The following VPS13B variants were observed in gnomAD, a reference collection of about 807,000 sequenced individuals.
VPS13B encodes vacuolar protein sorting 13 homolog B, also known as intermembrane lipid transfer protein VPS13B.
In VPS13B, 285 loss-of-function variants were observed where a neutral mutation model predicts 426.4. The ratio of observed to expected loss-of-function variants is 0.67; its 90% CI spans 0.61 to 0.74. VPS13B has a LOEUF of 0.74. Ranked by LOEUF, VPS13B falls within the 30% of genes least tolerant of loss-of-function variation. VPS13B has a pLI of 0.00. For synonymous variants in VPS13B, 1,676 were observed against 1,676.4 expected (o/e 1.00, Z 0.01); for missense variants, 4,537 against 4,782.6 (o/e 0.95, Z 1.51).
chr8:99,657,167 A>G (rs1830050011), intron 34 of VPS13B, among the ~76,000 whole-genome samples: 1 of 152,082 alleles, frequency 6.6e-6, no homozygotes. Context: ...TGCCCAGAGT[A>G]GACTCCTAAG....
At chr8:99,737,315 T>G (rs1158174116) in intron 39 of VPS13B, among the ~76,000 whole-genome samples, 1 of 151,314 alleles carries the variant, frequency 6.6e-6, no homozygotes, top group African/African-American at 2.4e-5. Context: ...AGAGACGGGG[T>G]TTCACCGTGT....
intron 54 of VPS13B, among the ~76,000 whole-genome samples, chr8:99,839,298 T>TCG (rs2130876584): frequency 6.6e-6 from 1 of 152,312 alleles, no homozygotes; most frequent in South Asian, 2.1e-4. Context: ...GTCCTTCATG[T>TCG]TTCTACAGCT....
At chr8:99,043,930 A>G (rs1030438573) in intron 3 of VPS13B, among the ~76,000 whole-genome samples, 4 of 151,624 alleles carry the variant, frequency 2.6e-5, no homozygotes, top group African/African-American at 9.7e-5. Flanking sequence ...CTTCACTTCA[A>G]TCTCTCATTT....
intron 3 of VPS13B, among the ~76,000 whole-genome samples, chr8:99,053,863 C>T (rs758042237): frequency 5.9e-5 from 9 of 151,928 alleles, no homozygotes; most frequent in South Asian, 4.1e-4. Context: ...CCACCACCCC[C>T]GGCTAATTTT....
At chr8:99,133,038 A>C (rs1384387104) in intron 8 of VPS13B, among the ~76,000 whole-genome samples, 1 of 152,212 alleles carries the variant, frequency 6.6e-6, no homozygotes, top group Non-Finnish European at 1.5e-5. Context: ...ATCCGCCTGT[A>C]TTTTGAAGCT....
intron 30 of VPS13B, among the ~76,000 whole-genome samples, chr8:99,550,849 C>G (rs1186997313): frequency 1.3e-5 from 2 of 151,910 alleles, no homozygotes; most frequent in African/African-American, 2.4e-5. Flanking sequence ...TTTGTGAATT[C>G]TCTTCTTTAA....
intron 21 of VPS13B, among the ~76,000 whole-genome samples, chr8:99,431,092 A>C (rs986731761): frequency 1.3e-5 from 2 of 152,168 alleles, no homozygotes; most frequent in Non-Finnish European, 2.9e-5. Context: ...TGGGAAGGAT[A>C]ATTTTCTATC....
intron 35 of VPS13B, among the ~76,000 whole-genome samples, chr8:99,669,007 C>A (rs1050468277): frequency 7.2e-5 from 11 of 152,108 alleles, no homozygotes; most frequent in African/African-American, 2.7e-4. Flanking sequence ...AGAAGGTGAA[C>A]TAATCCAGGC....
At chr8:99,020,813 T>A (rs1450799874) in intron 2 of VPS13B, among the ~76,000 whole-genome samples, 2 of 152,250 alleles carry the variant, frequency 1.3e-5, no homozygotes, top group Non-Finnish European at 2.9e-5. Context: ...TCTGCCTTTA[T>A]GATACTATCA....
chr8:99,525,687 C>A (rs1822605070), intron 30 of VPS13B, among the ~76,000 whole-genome samples: 1 of 152,168 alleles, frequency 6.6e-6, no homozygotes, highest in South Asian at 2.1e-4. Context: ...AATCCCTGCT[C>A]TCACAGAACT....
intron 39 of VPS13B, among the ~76,000 whole-genome samples, chr8:99,724,205 C>A (rs937086660): frequency 6.6e-6 from 1 of 152,166 alleles, no homozygotes; most frequent in African/African-American, 2.4e-5. Context: ...CAGTGCCAGG[C>A]CCTGGGCTTG....
At chr8:99,300,742 C>T (rs989914086) in intron 19 of VPS13B, among the ~76,000 whole-genome samples, 1 of 152,106 alleles carries the variant, frequency 6.6e-6, no homozygotes, top group African/African-American at 2.4e-5. Context: ...GGGTTTTAGC[C>T]TCAGCTATAT....
intron 45 of VPS13B, 67 bp downstream of exon 45, chr8:99,817,870 A>T (rs1814136319): frequency 6.2e-7 from 1 of 1,609,616 alleles, no homozygotes; most frequent in Admixed American, 1.7e-5. Flanking sequence ...AATGTTCTTT[A>T]CTCGTACAGC....
intron 43 of VPS13B, among the ~76,000 whole-genome samples, chr8:99,785,547 G>A (rs554111906): frequency 6.6e-6 from 1 of 152,154 alleles, no homozygotes; most frequent in South Asian, 2.1e-4. Flanking sequence ...TTTTTCACAT[G>A]ATATGGTATT....
At chr8:99,144,142 G>C (rs1810574988) in intron 13 of VPS13B, among the ~76,000 whole-genome samples, 1 of 152,072 alleles carries the variant, frequency 6.6e-6, no homozygotes. Context: ...TAGGTCCTCA[G>C]TACTGTGATG....
rs183868754 is a variant in VPS13B at position 99,052,885 on chromosome 8, T to C, written c.291+14319T>C. 1.3e-3 allele frequency among the ~76,000 whole-genome samples: 191 copies of C among 152,304 alleles called. 1 individual carries two copies. Among genetic ancestry groups the C allele is most frequent in the Admixed American group, 6.7e-3 (102 of 15,308 alleles). On this transcript the variant is annotated intron_variant, in intron 3 of 61. Coordinates refer to ENST00000357162, the MANE Select transcript of VPS13B (RefSeq NM_152564.5). ...GTGGGATTGGTGGTGATATCCCCTT[T>C]ATCATATTTTATTGCGTCTATTTGA...
At chr8:99,162,822 C>T (rs901512446) in intron 15 of VPS13B, among the ~76,000 whole-genome samples, 2 of 152,106 alleles carry the variant, frequency 1.3e-5, no homozygotes, top group Admixed American at 6.5e-5. Flanking sequence ...GGAACCCGAG[C>T]GGGTTGCCAA....
chr8:99,253,367 G>A (rs2132928236), intron 17 of VPS13B, among the ~76,000 whole-genome samples: 1 of 152,228 alleles, frequency 6.6e-6, no homozygotes, highest in East Asian at 1.9e-4. Context: ...GAGATGTTCT[G>A]CTGGATCATA....
intron 40 of VPS13B, among the ~76,000 whole-genome samples, chr8:99,770,806 C>T (rs1811451222): frequency 6.6e-6 from 1 of 152,078 alleles, no homozygotes; most frequent in South Asian, 2.1e-4. Context: ...AGCTCCCTTC[C>T]GGAGGCAAAG....
Sources: allele counts gnomAD v4.1 joint callset (sites outside exome capture counted in the v4.1 genomes callset), GRCh38; gene constraint gnomAD v4.1.1; transcripts MANE v1.5; gene names NCBI Gene and HGNC (gene_info 2026-07-23, HGNC 2026-07-21).